Variants in PRX observed in about 807,000 individuals in gnomAD.
PRX encodes the protein periaxin.
In PRX, 24 loss-of-function variants were observed where a neutral mutation model predicts 29.6. That is an observed-to-expected ratio of 0.81 (90% CI 0.59 to 1.14). PRX has a LOEUF of 1.14. PRX is among the 50% of genes most tolerant of loss of function. The probability of loss-of-function intolerance (pLI) is 0.00; values close to 1 mark genes in which losing one functional copy is unlikely to be tolerated. For synonymous variants in PRX, 772 were observed against 831.7 expected (o/e 0.93, Z 1.24); for missense variants, 1,838 against 1,926.4 (o/e 0.95, Z 0.86).
chr19:40,399,875 C>CTTTCT (rs1568711619), intron 5 of PRX, among the ~76,000 whole-genome samples: 1 of 71,684 alleles, frequency 1.4e-5, no homozygotes, highest in Non-Finnish European at 3.0e-5. Context: ...TTCTTTCTTT[C>CTTTCT]TTTCTTTCTT....
In PRX at chr19:40,398,868, G is replaced by A. The variant is rs566722427; in HGVS notation, c.185-52C>T. 5 of 1,612,480 alleles carry A rather than the reference G, an allele frequency of 3.1e-6. No individual in the cohort carries two copies. In the South Asian group the frequency reaches 4.4e-5, roughly 14 times the overall value. ...ACGTGGGCATCTCCCGGCTCCGCCC[G>A]GGCCTAGTTCTGCCCACTTGCACGG... On this transcript the variant is annotated intron_variant, in intron 5 of 6. Coordinates refer to ENST00000324001, the MANE Select transcript of PRX (RefSeq NM_181882.3). The surrounding 1 kb of genome is among the most constrained non-coding windows in gnomAD (Gnocchi z 6.3).
chr19:40,408,623 A>G (rs1041223977), intron 1 of PRX, among the ~76,000 whole-genome samples: 1 of 152,200 alleles, frequency 6.6e-6, no homozygotes, highest in Non-Finnish European at 1.5e-5. Flanking sequence ...TGAGGGGGCC[A>G]AATTCACTAA....
chr19:40,397,699 T>G lies in PRX; in HGVS notation c.653A>C (p.Lys218Thr), dbSNP rs1271586746. 6.4e-7 allele frequency: 1 copy of G among 1,562,348 alleles called. No individual in the cohort carries two copies. Among genetic ancestry groups the G allele is most frequent in the Non-Finnish European group, 8.6e-7 (1 of 1,158,702 alleles). ...TCCTGCAGCCACCTCAGCCTCCACC[T>G]TGGCTTTCCTGGGGGGAGGAGCGGC... ...AAAAPPPRKA[K>T]VEAEVAAGAR... Residue 218 changes from lysine (K) to threonine (T), a missense_variant, in exon 7 of 7, where the codon AAG (lysine) becomes ACG (threonine). Physicochemically the swap from Lys to Thr is moderately conservative, Grantham distance 78. Transcript: ENST00000324001.
chr19:40,394,692 C>T lies in PRX; in HGVS notation c.3660G>A (p.Gln1220=). The change falls in exon 7 of 7, where the codon CAG becomes CAA. Residue 1220 remains glutamine (Q), a synonymous_variant. Transcript: ENST00000324001. This position sits in a 1 kb window ranked among gnomAD's most constrained non-coding sequence, Gnocchi z 5.8. The part of the protein sequence containing the change: ...VFKMPTVTVP[Q]LELDVGLSRE... ...GGCTTAGCCCCACGTCCAGCTCAAG[C>T]TGGGGCACTGTCACGGTGGGCATCT... 6.2e-7 allele frequency: 1 copy of T among 1,610,948 alleles called. No individual in the cohort carries two copies.
At position 40,396,691 on chromosome 19, in the gene PRX, ATC is replaced by A. The variant is rs2079441396; in HGVS notation, c.1659_1660del (p.Glu553AspfsTer31). ...CACCTCTGACACCTCTGGGAGTTTCATCTCTGACACTTTCGGCAGCTGTACCT... is the reference window on the plus strand; with the variant it reads ...CACCTCTGACACCTCTGGGAGTTTCATCTGACACTTTCGGCAGCTGTACCT... On this transcript the variant is annotated frameshift_variant, in exon 7 of 7. Coordinates refer to ENST00000324001, the MANE Select transcript of PRX (RefSeq NM_181882.3). LOFTEE classifies it low-confidence loss of function (END_TRUNC). 1.2e-6 allele frequency: 2 copies of A among 1,613,802 alleles called. No homozygotes were observed. Among genetic ancestry groups the A allele is most frequent in the East Asian group, 2.2e-5 (1 of 44,828 alleles).
At position 40,394,569 on chromosome 19, in the gene PRX, A is replaced by G; in HGVS notation, c.3783T>C (p.Ala1261=). 6.2e-7 allele frequency: 1 copy of G among 1,608,796 alleles called. No individual in the cohort carries two copies. The highest frequency in any genetic ancestry group is 1.1e-5 in the South Asian group (1 of 90,766). Residue 1261 remains alanine (A), a synonymous_variant, in exon 7 of 7, where the codon GCT becomes GCC. Coordinates refer to ENST00000324001, the MANE Select transcript of PRX (RefSeq NM_181882.3). This position sits in a 1 kb window ranked among gnomAD's most constrained non-coding sequence, Gnocchi z 5.8. ...GARARVGGEG[A]EEQPPGAERT... The stretch of plus-strand genomic sequence containing the variant: ...GCTCGGCCCCTGGGGGCTGCTCCTC[A>G]GCACCCTCGCCCCCCACCCTAGCTC...
rs146323928 is a variant in PRX, at chr19:40,397,359, C to T, written c.993G>A (p.Pro331=). 1.9e-4 allele frequency: 300 copies of T among 1,612,880 alleles called. No homozygotes were observed. The highest frequency in any genetic ancestry group is 2.3e-4 in the Non-Finnish European group (267 of 1,179,900). The change falls in exon 7 of 7, where the codon CCG becomes CCA. Residue 331 remains proline, a synonymous_variant. Coordinates refer to ENST00000324001, the MANE Select transcript of PRX (RefSeq NM_181882.3). ...GCAAGGCCAGGTCCACCCCCACAGT[C>T]GGTGCTGCCACATCCAGGGTGGGCA... ...VVVPTLDVAA[P]TVGVDLALPG...
intron 5 of PRX, 131 bp downstream of exon 5, chr19:40,403,575 G>T: frequency 1.7e-6 from 2 of 1,144,060 alleles, no homozygotes; most frequent in Non-Finnish European, 2.4e-6. Flanking sequence ...CCCGCCCCAA[G>T]CCCTTAACCC....
At chr19:40,402,705 G>A (rs2079504014) in intron 5 of PRX, among the ~76,000 whole-genome samples, 1 of 146,796 alleles carries the variant, frequency 6.8e-6, no homozygotes, top group African/African-American at 2.6e-5. Context: ...AACCCGGGAG[G>A]CGGAGCTTGC....
Position 40,403,693 on chromosome 19 carries a change from C to T in PRX, c.184+13G>A, listed in dbSNP as rs758213601. 1.3e-5 allele frequency: 20 copies of T among 1,542,538 alleles called. No homozygotes were observed. Among genetic ancestry groups the T allele is most frequent in the African/African-American group, 2.7e-5 (2 of 72,956 alleles). On this transcript the variant is annotated intron_variant, in intron 5 of 6. Coordinates refer to ENST00000324001, the MANE Select transcript of PRX (RefSeq NM_181882.3). ...CGCAGTTCGACCCCGCCCCACACCC[C>T]GGGCCCGCCCACCTTCCTGCAGGCT...
At position 40,395,701 on chromosome 19, in the gene PRX, C is replaced by A; in HGVS notation, c.2651G>T (p.Gly884Val). Reference sequence around the variant, plus strand: ...CCTGACCCCTGCTGCCACCTCAGGGCCCTCCACCCGCTCTCCCTTGCCCAT... The same window carrying A: ...CCTGACCCCTGCTGCCACCTCAGGGACCTCCACCCGCTCTCCCTTGCCCAT... ...AKMGKGERVEGPEVAAGVREV... is the reference protein window; with the variant it reads ...AKMGKGERVEVPEVAAGVREV... The change falls in exon 7 of 7, where the codon GGC becomes GTC. Residue 884 changes from glycine (G) to valine (V), a missense_variant. Gly to Val is a moderately radical substitution (Grantham distance 109, BLOSUM62 -3). Transcript: ENST00000324001. 1 of 1,613,982 alleles carries A rather than the reference C, an allele frequency of 6.2e-7. No individual in the cohort carries two copies. Among genetic ancestry groups the A allele is most frequent in the Non-Finnish European group, 8.5e-7 (1 of 1,179,970 alleles).
chr19:40,399,850 C>CCCTTCTTTCTTT (rs1555801714), intron 5 of PRX, among the ~76,000 whole-genome samples: 2 of 119,624 alleles, frequency 1.7e-5, no homozygotes, highest in Non-Finnish European at 3.6e-5. Flanking sequence ...AGCTTTCTTT[C>CCCTTCTTTCTTT]CTTTCTTTCT....
Position 40,408,045 on chromosome 19 carries a change from G to T in PRX, c.-99-14C>A. ...CTGCCTCTGAGCCTGTGGGAGGACA[G>T]CAGTGGAGGCTTGAGGCCAGTAGGG... is the stretch of plus-strand genomic sequence containing the variant. On this transcript the variant is annotated splice_polypyrimidine_tract_variant and intron_variant, in intron 3 of 6. Transcript: ENST00000324001. 7.0e-7 allele frequency: 1 copy of T among 1,436,866 alleles called. No individual in the cohort carries two copies. The highest frequency in any genetic ancestry group is 9.6e-7 in the Non-Finnish European group (1 of 1,039,180). The allele number at this position is 1,436,866 out of a possible 1,614,324, so 89.0% of individuals were successfully genotyped here. A position where few individuals can be genotyped will look rare whatever the true frequency, so the allele number is the denominator to read the frequency against.
chr19:40,402,799 A>G (rs916871138), intron 5 of PRX, among the ~76,000 whole-genome samples: 13 of 131,354 alleles, frequency 9.9e-5, no homozygotes, highest in African/African-American at 1.3e-4. Flanking sequence ...ATCTCTCCCC[A>G]CTGGAATGTA....
chr19:40,413,751 C>G (rs116866864), upstream of PRX, among the ~76,000 whole-genome samples: 2 of 152,162 alleles, frequency 1.3e-5, no homozygotes, highest in Non-Finnish European at 2.9e-5. Context: ...GGGTTCAAAT[C>G]GCAGCGCGAC....
chr19:40,396,598 A>G lies in PRX; in HGVS notation c.1754T>C (p.Met585Thr). 2.5e-6 allele frequency: 4 copies of G among 1,613,928 alleles called. No homozygotes were observed. In the Middle Eastern group the frequency reaches 6.6e-4, roughly 266 times the overall value. The stretch of plus-strand genomic sequence containing the variant: ...CATCTCAGGCACCTTTGGAAGCTTC[A>G]TCTCAGGGACTTTCATCTCTGGCAC... ...PKVPEMKVPE[M>T]KLPKVPEMKL... Residue 585 changes from methionine (M) to threonine (T), a missense_variant, in exon 7 of 7, where the codon ATG (methionine) becomes ACG (threonine). By Grantham distance (81) the Met-to-Thr change is moderately conservative. Coordinates refer to ENST00000324001, the MANE Select transcript of PRX (RefSeq NM_181882.3).
chr19:40,408,186 A>C lies in PRX; in HGVS notation c.-128T>G, dbSNP rs2079541261. The C allele has an allele frequency of 5.4e-5, 32 of 591,564 alleles. No homozygotes were observed. The South Asian group carries it at 6.4e-4, about 12-fold the overall frequency. The allele number at this position is 591,564 out of a possible 1,614,324, so 36.6% of individuals were successfully genotyped here. A position where few individuals can be genotyped will look rare whatever the true frequency, so the allele number is the denominator to read the frequency against. On this transcript the variant is annotated 5_prime_UTR_variant, in exon 3 of 7. Coordinates refer to ENST00000324001, the MANE Select transcript of PRX (RefSeq NM_181882.3). Reference sequence around the variant, plus strand: ...TGCCTGGGTGCAGGCACTTCCTCCTAACAGGAGCCCAGCCCGAGGTGCCGC... The same window carrying C: ...TGCCTGGGTGCAGGCACTTCCTCCTCACAGGAGCCCAGCCCGAGGTGCCGC...
Position 40,394,550 on chromosome 19 carries a change from C to G in PRX, c.3802G>C (p.Ala1268Pro), listed in dbSNP as rs146061247. ...AGTGAGAGGCAGAAGGTACGCTCGG[C>G]CCCTGGGGGCTGCTCCTCAGCACCC... Reference protein sequence around the residue: ...GEGAEEQPPGAERTFCLSLPD... With the variant: ...GEGAEEQPPGPERTFCLSLPD... Residue 1268 changes from alanine (A) to proline (P), a missense_variant, in exon 7 of 7, where the codon GCC (alanine) becomes CCC (proline). Transcript: ENST00000324001. The surrounding 1 kb of genome is among the most constrained non-coding windows in gnomAD (Gnocchi z 5.8). The G allele has an allele frequency of 6.1e-4, 976 of 1,606,650 alleles. 6 individuals carry two copies. The African/African-American group carries it at 0.011, about 19-fold the overall frequency.
rs768648131 is a variant in PRX at position 40,396,399 on chromosome 19, A to G, written c.1953T>C (p.Asp651=). ...LPKVPEMAVP[D]VHLPEVQLPK... ...GGAGCTGCACTTCCGGGAGGTGCAC[A>G]TCGGGCACAGCCATCTCGGGCACCT... is the stretch of plus-strand genomic sequence containing the variant. The change falls in exon 7 of 7, where the codon GAT becomes GAC. Residue 651 remains aspartate (D), a synonymous_variant. Coordinates refer to ENST00000324001, the MANE Select transcript of PRX (RefSeq NM_181882.3). 1.9e-6 allele frequency: 3 copies of G among 1,612,524 alleles called. No homozygotes were observed. Among genetic ancestry groups the G allele is most frequent in the South Asian group, 1.1e-5 (1 of 91,022 alleles).
Sources: allele counts gnomAD v4.1 joint callset (sites outside exome capture counted in the v4.1 genomes callset), GRCh38; gene constraint gnomAD v4.1.1; non-coding constraint Gnocchi (gnomAD v3.1); transcripts MANE v1.5; gene names NCBI Gene and HGNC (gene_info 2026-07-23, HGNC 2026-07-21).